The following NPAS3 variants were observed in gnomAD, a reference collection of about 807,000 sequenced individuals.
NPAS3 encodes neuronal PAS domain-containing protein 3.
Under a neutral mutation model 73.1 loss-of-function variants are expected in NPAS3, and 14 were observed. The ratio of observed to expected loss-of-function variants is 0.19; its 90% CI spans 0.13 to 0.30. The LOEUF is 0.30. Ranked by LOEUF, NPAS3 falls within the 10% of genes least tolerant of loss-of-function variation. The pLI, the probability that NPAS3 is intolerant of heterozygous loss-of-function variation, is 1.00. For missense variants in NPAS3, 1,096 were observed against 1,250.0 expected, an observed-to-expected ratio of 0.88 and a Z score of 1.86; for synonymous variants, 620 against 541.5, an observed-to-expected ratio of 1.14 and a Z score of -2.01.
intron 1 of NPAS3, among the ~76,000 whole-genome samples, chr14:33,020,067 TTG>T (rs1239437642): frequency 3.3e-5 from 5 of 152,232 alleles, no homozygotes; most frequent in Non-Finnish European, 7.3e-5. Flanking sequence ...CAGAAATGTC[TTG>T]TCAGTATTAT....
chr14:33,201,675 C>T (rs976806688), intron 2 of NPAS3, among the ~76,000 whole-genome samples: 6 of 152,188 alleles, frequency 3.9e-5, no homozygotes, highest in African/African-American at 1.2e-4. Context: ...GGGAAATGTT[C>T]AATCATGTAG....
At chr14:33,369,492 A>G (rs1279555767) in intron 4 of NPAS3, among the ~76,000 whole-genome samples, 1 of 151,094 alleles carries the variant, frequency 6.6e-6, no homozygotes, top group Non-Finnish European at 1.5e-5. Flanking sequence ...AAAATTTAGA[A>G]TGTTTACATT....
intron 1 of NPAS3, among the ~76,000 whole-genome samples, chr14:32,993,369 G>A (rs1265774439): frequency 6.6e-6 from 1 of 152,124 alleles, no homozygotes; most frequent in Non-Finnish European, 1.5e-5. Context: ...AACTTTTAAG[G>A]AGGCAGTTGA....
intron 2 of NPAS3, among the ~76,000 whole-genome samples, chr14:33,191,485 C>T (rs2046170376): frequency 6.6e-6 from 1 of 152,214 alleles, no homozygotes; most frequent in Non-Finnish European, 1.5e-5. Context: ...AGGGGCCATT[C>T]ATCTGTTGAG....
intron 4 of NPAS3, among the ~76,000 whole-genome samples, chr14:33,530,672 C>T (rs928693899): frequency 6.6e-6 from 1 of 151,736 alleles, no homozygotes; most frequent in African/African-American, 2.4e-5. Flanking sequence ...TCCTACTTGA[C>T]GTTTAACCCT....
At chr14:33,037,495 G>GAAA (rs1239187020) in intron 1 of NPAS3, among the ~76,000 whole-genome samples, 4 of 148,354 alleles carry the variant, frequency 2.7e-5, no homozygotes, top group African/African-American at 7.5e-5. Context: ...AAAAAAAAAA[G>GAAA]AAAAAAGAAA....
At chr14:33,704,245 C>T (rs2060599013) in intron 6 of NPAS3, among the ~76,000 whole-genome samples, 1 of 152,134 alleles carries the variant, frequency 6.6e-6, no homozygotes, top group Admixed American at 6.6e-5. Context: ...AGTGTGTGTA[C>T]ATATAAATTA....
At chr14:33,156,579 C>T (rs1267970222) in intron 2 of NPAS3, among the ~76,000 whole-genome samples, 2 of 152,148 alleles carry the variant, frequency 1.3e-5, no homozygotes, top group Admixed American at 1.3e-4. Context: ...TAATTATCTG[C>T]ATGATCATTG....
At chr14:33,173,069 G>T (rs1341989357) in intron 2 of NPAS3, among the ~76,000 whole-genome samples, 5 of 152,120 alleles carry the variant, frequency 3.3e-5, no homozygotes, top group Non-Finnish European at 7.4e-5. Context: ...GAGGAAAAGA[G>T]ATTAGCCTAA....
chr14:33,568,614 C>G (rs1029648620), intron 5 of NPAS3, among the ~76,000 whole-genome samples: 2 of 152,110 alleles, frequency 1.3e-5, no homozygotes, highest in Non-Finnish European at 2.9e-5. Context: ...GGAAGGAGGT[C>G]TAAAATCATT....
chr14:32,967,639 A>T (rs2037230967), intron 1 of NPAS3, among the ~76,000 whole-genome samples: 1 of 152,214 alleles, frequency 6.6e-6, no homozygotes, highest in Non-Finnish European at 1.5e-5. Context: ...ATAATGAGTC[A>T]TCATCTTAGC....
At chr14:33,192,575 T>G (rs1029775061) in intron 2 of NPAS3, among the ~76,000 whole-genome samples, 1 of 152,210 alleles carries the variant, frequency 6.6e-6, no homozygotes, top group Non-Finnish European at 1.5e-5. Flanking sequence ...TGCTGATATT[T>G]TTATGACATG....
At chr14:33,598,435 T>C (rs1436254429) in intron 5 of NPAS3, among the ~76,000 whole-genome samples, 3 of 152,224 alleles carry the variant, frequency 2.0e-5, no homozygotes, top group African/African-American at 7.2e-5. Flanking sequence ...AAGTCATCAT[T>C]CTATTTTCAT....
intron 1 of NPAS3, among the ~76,000 whole-genome samples, chr14:33,038,284 G>C (rs2040236272): frequency 6.6e-6 from 1 of 152,096 alleles, no homozygotes; most frequent in East Asian, 1.9e-4. Context: ...GCAAAGGAGA[G>C]GTATACAGGA....
intron 5 of NPAS3, among the ~76,000 whole-genome samples, chr14:33,658,448 G>A (rs895989300): frequency 1.3e-5 from 2 of 152,130 alleles, no homozygotes; most frequent in Non-Finnish European, 2.9e-5. Context: ...TATCCCCCGA[G>A]GTAATGCAGT....
intron 7 of NPAS3, among the ~76,000 whole-genome samples, chr14:33,735,928 A>T (rs2061513408): frequency 6.6e-6 from 1 of 152,204 alleles, no homozygotes; most frequent in South Asian, 2.1e-4. Context: ...AATCTACATT[A>T]TCATCATTTT....
intron 5 of NPAS3, among the ~76,000 whole-genome samples, chr14:33,629,207 C>G (rs997798050): frequency 1.2e-4 from 18 of 149,260 alleles, no homozygotes; most frequent in Middle Eastern, 3.7e-3. Context: ...TGCACTCCAG[C>G]CTGGGTGACA....
chr14:33,202,166 C>A (rs1290940849), intron 2 of NPAS3, among the ~76,000 whole-genome samples: 1 of 152,056 alleles, frequency 6.6e-6, no homozygotes, highest in African/African-American at 2.4e-5. Flanking sequence ...CTCTGAAAGG[C>A]CGGGGTGGGC....
intron 5 of NPAS3, among the ~76,000 whole-genome samples, chr14:33,611,918 A>G (rs1161402345): frequency 6.6e-6 from 1 of 152,222 alleles, no homozygotes; most frequent in East Asian, 1.9e-4. Flanking sequence ...AAATGAAATC[A>G]TACTTTTAAA....
Sources: allele counts gnomAD v4.1 joint callset (sites outside exome capture counted in the v4.1 genomes callset), GRCh38; gene constraint gnomAD v4.1.1; transcripts MANE v1.5; gene names NCBI Gene and HGNC (gene_info 2026-07-23, HGNC 2026-07-21).